CRTAM: variants seen among roughly 807,000 people sequenced by gnomAD.
CRTAM encodes the protein cytotoxic and regulatory T-cell molecule.
In CRTAM, 44 loss-of-function variants were observed where a neutral mutation model predicts 50.0. The ratio of observed to expected loss-of-function variants is 0.88; its 90% CI spans 0.69 to 1.13. The LOEUF (loss-of-function observed/expected upper bound fraction) is 1.13. CRTAM is among the 50% of genes most tolerant of loss of function. CRTAM has a pLI of 0.00. For missense variants in CRTAM, 448 were observed against 457.5 expected (o/e 0.98, Z 0.19); for synonymous variants, 159 against 169.3 (o/e 0.94, Z 0.47).
chr11:122,839,246 T>A (rs1261705243), intron 1 of CRTAM, among the ~76,000 whole-genome samples: 1 of 152,242 alleles, frequency 6.6e-6, no homozygotes, highest in Non-Finnish European at 1.5e-5. Flanking sequence ...CGTTGAATTT[T>A]AAAATTTCCT....
At chr11:122,863,156 G>T (rs1251058583) in intron 6 of CRTAM, among the ~76,000 whole-genome samples, 1 of 151,880 alleles carries the variant, frequency 6.6e-6, no homozygotes, top group Non-Finnish European at 1.5e-5. Flanking sequence ...AGCAATGATT[G>T]TATATCTAAT....
chr11:122,847,361 A>T (rs1214366370), intron 1 of CRTAM, among the ~76,000 whole-genome samples: 1 of 152,194 alleles, frequency 6.6e-6, no homozygotes, highest in Non-Finnish European at 1.5e-5. Flanking sequence ...CTAGGGGTCT[A>T]TTGACAGATA....
rs569498420 is a variant in CRTAM, at chr11:122,869,068, G to C, written c.1051+969G>C. Reference sequence around the variant, plus strand: ...AGAAGAATCAAAATCTGATTTTTTAGCACTAGAAAGTCTCCTAAATCATCC... The same window carrying C: ...AGAAGAATCAAAATCTGATTTTTTACCACTAGAAAGTCTCCTAAATCATCC... On this transcript the variant is annotated intron_variant, in intron 9 of 9. Coordinates refer to ENST00000227348, the MANE Select transcript of CRTAM (RefSeq NM_019604.4). Among the ~76,000 whole-genome samples the C allele has an allele frequency of 3.3e-5, 5 of 152,208 alleles. No individual in the cohort carries two copies. The South Asian group carries it at 1.0e-3, about 32-fold the overall frequency.
chr11:122,859,174 T>C lies in CRTAM; in HGVS notation c.653-3290T>C, dbSNP rs188637084. Among the ~76,000 whole-genome samples, 18 of 152,318 alleles carry C rather than the reference T, an allele frequency of 1.2e-4. No homozygotes were observed. The East Asian group carries it at 3.3e-3, about 28-fold the overall frequency. On this transcript the variant is annotated intron_variant, in intron 5 of 9. Coordinates refer to ENST00000227348, the MANE Select transcript of CRTAM (RefSeq NM_019604.4). ...TTTTGAGATGAGTGCAGTGGCCCGA[T>C]CTCAGCTCACTGCAACTTCCGCCTC...
chr11:122,871,419 T>A lies in CRTAM; in HGVS notation c.*20T>A, dbSNP rs1347201043. ...GTGTAGTGCTCTCTGCAATGGAACA[T>A]GTGATTTCAGGGTTGCCGCAGTGTC... On this transcript the variant is annotated 3_prime_UTR_variant, in exon 10 of 10. Coordinates refer to ENST00000227348, the MANE Select transcript of CRTAM (RefSeq NM_019604.4). The A allele has an allele frequency of 6.2e-7, 1 of 1,600,566 alleles. No individual in the cohort carries two copies. The highest frequency in any genetic ancestry group is 1.3e-5 in the African/African-American group (1 of 74,680).
chr11:122,867,842 A>C (rs1244482731), intron 8 of CRTAM, among the ~76,000 whole-genome samples, 171 bp from the exon 9 acceptor site: 1 of 152,234 alleles, frequency 6.6e-6, no homozygotes, highest in South Asian at 2.1e-4. Flanking sequence ...ACTGCCTAGC[A>C]CAGTCCCTAC....
At chr11:122,863,844 G>T (rs917138250) in intron 6 of CRTAM, among the ~76,000 whole-genome samples, 2 of 151,834 alleles carry the variant, frequency 1.3e-5, no homozygotes, top group East Asian at 1.9e-4. Context: ...CCATTTCTAC[G>T]ATTTTATTAC....
intron 5 of CRTAM, among the ~76,000 whole-genome samples, chr11:122,859,685 T>C (rs560382460): frequency 3.2e-4 from 49 of 152,364 alleles, no homozygotes; most frequent in African/African-American, 1.2e-3. Flanking sequence ...TCTTCTTTGA[T>C]GTTACACCAA....
At chr11:122,838,809 C>T (rs960947112) in intron 1 of CRTAM, among the ~76,000 whole-genome samples, 1 of 152,044 alleles carries the variant, frequency 6.6e-6, no homozygotes, top group Non-Finnish European at 1.5e-5. Context: ...TAGAAAGGAT[C>T]ATTATAGTGT....
intron 5 of CRTAM, 149 bp from the exon 6 acceptor site, chr11:122,862,315 A>G: frequency 1.6e-6 from 1 of 624,172 alleles, no homozygotes. Flanking sequence ...AAACCAGAGC[A>G]GGAGCCACAG....
chr11:122,842,454 T>C (rs1301148856), intron 1 of CRTAM, among the ~76,000 whole-genome samples: 2 of 152,160 alleles, frequency 1.3e-5, no homozygotes. Flanking sequence ...ATTTTTTGTA[T>C]TTTTAGTAGA....
chr11:122,860,242 G>A (rs1470816690), intron 5 of CRTAM, among the ~76,000 whole-genome samples: 1 of 152,008 alleles, frequency 6.6e-6, no homozygotes, highest in Non-Finnish European at 1.5e-5. Context: ...GTAGAGTCAG[G>A]TTTCACCATG....
rs1309742325 is a variant in CRTAM, at chr11:122,838,550, T to A, written c.4T>A (p.Trp2Arg). 1 of 1,614,000 alleles carries A rather than the reference T, an allele frequency of 6.2e-7. No individual in the cohort carries two copies. The highest frequency in any genetic ancestry group is 1.3e-5 in the African/African-American group (1 of 74,926). The change falls in exon 1 of 10, where the codon TGG (tryptophan) becomes AGG (arginine). Residue 2 changes from tryptophan to arginine, a missense_variant. Physicochemically the swap from Trp to Arg is moderately radical, Grantham distance 101 (BLOSUM62 -3). Transcript: ENST00000227348. The part of the protein sequence containing the change: M[W>R]WRVLSLLAWF... ...TGCCACAGCAGCACAGCACAGTATG[T>A]GGTGGAGAGTTCTCAGCTTGCTGGC...
chr11:122,871,406 C>T lies in CRTAM; in HGVS notation c.*7C>T, dbSNP rs749087947. The T allele has an allele frequency of 2.5e-6, 4 of 1,607,100 alleles. No homozygotes were observed. ...ACCAGAGAGTATTGTGTAGTGCTCT[C>T]TGCAATGGAACATGTGATTTCAGGG... On this transcript the variant is annotated 3_prime_UTR_variant, in exon 10 of 10. Coordinates refer to ENST00000227348, the MANE Select transcript of CRTAM (RefSeq NM_019604.4).
chr11:122,862,657 C>A, intron 6 of CRTAM, 113 bp downstream of exon 6: 1 of 672,042 alleles, frequency 1.5e-6, no homozygotes, highest in South Asian at 2.0e-5. Context: ...TTACTAAGAC[C>A]ATACAGGCCC....
intron 1 of CRTAM, among the ~76,000 whole-genome samples, chr11:122,846,751 A>T (rs1191914781): frequency 2.6e-5 from 4 of 152,158 alleles, no homozygotes; most frequent in Admixed American, 2.0e-4. Flanking sequence ...ACTCATTATC[A>T]CCATTTGCTC....
At chr11:122,838,756 G>A (rs1861762357) in intron 1 of CRTAM, among the ~76,000 whole-genome samples, 164 bp downstream of exon 1, 1 of 152,046 alleles carries the variant, frequency 6.6e-6, no homozygotes, top group Non-Finnish European at 1.5e-5. Flanking sequence ...TCTGAGGGAT[G>A]TTACTGCGTT....
At chr11:122,840,409 C>T (rs1314898193) in intron 1 of CRTAM, among the ~76,000 whole-genome samples, 1 of 151,662 alleles carries the variant, frequency 6.6e-6, no homozygotes, top group Admixed American at 6.6e-5. Context: ...TTTCATGAAA[C>T]TTCTAATTAA....
chr11:122,870,799 G>C (rs1417676164), intron 9 of CRTAM, among the ~76,000 whole-genome samples: 1 of 152,126 alleles, frequency 6.6e-6, no homozygotes, highest in African/African-American at 2.4e-5. Context: ...TATAGTATAG[G>C]CCAGTGCAGT....
Sources: gnomAD v4.1 joint callset for allele counts (sites outside exome capture counted in the v4.1 genomes callset) on GRCh38, gnomAD v4.1.1 for gene constraint, MANE v1.5 for transcripts, NCBI Gene and HGNC (gene_info 2026-07-23, HGNC 2026-07-21) for gene names.